The following ZNF138 variants were observed in gnomAD, a reference collection of about 807,000 sequenced individuals.
ZNF138 encodes zinc finger protein 138, also known as zinc finger protein 138 (clone pHZ-32).
In ZNF138, 33 loss-of-function variants were observed where a neutral mutation model predicts 33.0. The ratio of observed to expected loss-of-function variants is 1.00; its 90% CI spans 0.76 to 1.34. The LOEUF (loss-of-function observed/expected upper bound fraction) is 1.34. Among genes scored for constraint, ZNF138 ranks in the 40% most tolerant of loss-of-function variants. The pLI is 0.00. For synonymous variants in ZNF138, 139 were observed against 120.4 expected (o/e 1.15, Z -1.01); for missense variants, 360 against 370.8 (o/e 0.97, Z 0.24).
chr7:64,841,331 A>G, the ZNF138 span, among the ~76,000 whole-genome samples: 1 of 152,216 alleles, frequency 6.6e-6, no homozygotes, highest in Admixed American at 6.5e-5. Flanking sequence ...TATAATTGAC[A>G]TAAATATATT....
chr7:64,802,644 TACAA>T (rs1787237376), intron 1 of ZNF138, among the ~76,000 whole-genome samples: 1 of 151,854 alleles, frequency 6.6e-6, no homozygotes, highest in Non-Finnish European at 1.5e-5. Flanking sequence ...CATGACCCCT[TACAA>T]ACAATTAGAT....
chr7:64,814,795 G>T (rs918052881), intron 1 of ZNF138, 123 bp from the exon 2 acceptor site: 2 of 1,253,398 alleles, frequency 1.6e-6, no homozygotes, highest in African/African-American at 1.5e-5. Flanking sequence ...AATAATTTCA[G>T]TCACTCCTGT....
chr7:64,835,330 C>CAGA (rs1414542535), downstream of ZNF138: 3 of 152,164 alleles, frequency 2.0e-5, no homozygotes, highest in Non-Finnish European at 4.4e-5. Context: ...GGGCCTAAAT[C>CAGA]AGAGGTTGGC....
chr7:64,844,216 C>G, the ZNF138 span, among the ~76,000 whole-genome samples: 2 of 152,336 alleles, frequency 1.3e-5, no homozygotes, highest in African/African-American at 4.8e-5. Context: ...ACCACAGGCC[C>G]AAGCCTGTGT....
intron 3 of ZNF138, among the ~76,000 whole-genome samples, chr7:64,818,195 A>C (rs1277682304): frequency 6.6e-6 from 1 of 151,840 alleles, no homozygotes; most frequent in Non-Finnish European, 1.5e-5. Flanking sequence ...CATGCTGGCC[A>C]GGCTAGTCTT....
the ZNF138 span, chr7:64,853,210 A>C: frequency 3.1e-6 from 5 of 1,602,250 alleles, no homozygotes; most frequent in Admixed American, 8.3e-5. Context: ...TCTTCTTGGA[A>C]GTGGTTCTGT....
the ZNF138 span, among the ~76,000 whole-genome samples, chr7:64,841,851 T>C: frequency 6.6e-6 from 1 of 152,200 alleles, no homozygotes; most frequent in Admixed American, 6.5e-5. Context: ...TTCAGATCAG[T>C]TAATTAAGAT....
intron 1 of ZNF138, among the ~76,000 whole-genome samples, chr7:64,807,733 G>A (rs145747767): frequency 2.4e-3 from 373 of 152,304 alleles, no homozygotes; most frequent in African/African-American, 7.5e-3. Flanking sequence ...TTAAAGCCCC[G>A]CTTTGGGAGT....
chr7:64,797,980 G>T (rs1786827606), intron 1 of ZNF138, among the ~76,000 whole-genome samples: 1 of 151,970 alleles, frequency 6.6e-6, no homozygotes, highest in Non-Finnish European at 1.5e-5. Context: ...TTACTTTGTT[G>T]CCCAGGCTGG....
chr7:64,823,007 A>C (rs1319644205), intron 3 of ZNF138, among the ~76,000 whole-genome samples: 1 of 151,836 alleles, frequency 6.6e-6, no homozygotes, highest in Non-Finnish European at 1.5e-5. Context: ...CAGCCTCCTG[A>C]GTAGCTGAGA....
At chr7:64,853,480 T>A in the ZNF138 span, 1 of 510,044 alleles carries the variant, frequency 2.0e-6, no homozygotes, top group Non-Finnish European at 3.5e-6. Context: ...ATATATGAGA[T>A]CATGTAGTAT....
chr7:64,843,276 G>A, the ZNF138 span, among the ~76,000 whole-genome samples: 1 of 152,078 alleles, frequency 6.6e-6, no homozygotes, highest in African/African-American at 2.4e-5. Context: ...GTAAAAAACA[G>A]GCACATGTTT....
chr7:64,814,973 G>A lies in ZNF138; in HGVS notation c.59G>A (p.Cys20Tyr), dbSNP rs933813333. Residue 20 changes from cysteine (C) to tyrosine (Y), a missense_variant, in exon 2 of 4, where the codon TGC becomes TAC. Cys to Tyr is a radical substitution (Grantham distance 194). Transcript: ENST00000307355. ...GAGTTCTCTTTGGAGGAGTGGCAGT[G>A]CCTGGACACTGCACAGCGGAATGTA... ...AIEFSLEEWQ[C>Y]LDTAQRNVYR... is the part of the protein sequence containing the mutation. The A allele has an allele frequency of 1.2e-6, 2 of 1,613,432 alleles. No homozygotes were observed. Among genetic ancestry groups the A allele is most frequent in the Non-Finnish European group, 1.7e-6 (2 of 1,179,660 alleles).
At chr7:64,804,725 G>A (rs1562890007) in intron 1 of ZNF138, among the ~76,000 whole-genome samples, 1 of 152,192 alleles carries the variant, frequency 6.6e-6, no homozygotes, top group Non-Finnish European at 1.5e-5. Flanking sequence ...AGGCTTTAGT[G>A]AGCTGAGATC....
the ZNF138 span, among the ~76,000 whole-genome samples, chr7:64,855,432 G>T: frequency 2.5e-5 from 1 of 40,562 alleles, no homozygotes; most frequent in Non-Finnish European, 6.0e-5. Flanking sequence ...TCTTAGTTAA[G>T]AATTTTATTT....
chr7:64,822,711 A>G (rs1327838442), intron 3 of ZNF138, among the ~76,000 whole-genome samples: 2 of 152,174 alleles, frequency 1.3e-5, no homozygotes, highest in South Asian at 2.1e-4. Context: ...GAAATCAGAA[A>G]GTATAATGCA....
At chr7:64,820,880 A>G (rs545955753) in intron 3 of ZNF138, among the ~76,000 whole-genome samples, 1 of 151,452 alleles carries the variant, frequency 6.6e-6, no homozygotes, top group Middle Eastern at 3.4e-3. Flanking sequence ...TTTATTTATA[A>G]TTACTTGAGA....
intron 3 of ZNF138, among the ~76,000 whole-genome samples, chr7:64,826,527 C>T (rs994273764): frequency 5.3e-5 from 8 of 152,056 alleles, no homozygotes; most frequent in Non-Finnish European, 1.0e-4. Context: ...GTGATCTGCC[C>T]GCCTCGGCTT....
the ZNF138 span, among the ~76,000 whole-genome samples, chr7:64,844,715 C>G: frequency 6.6e-6 from 1 of 151,134 alleles, no homozygotes; most frequent in Non-Finnish European, 1.5e-5. Context: ...GAGACAGAGT[C>G]TTGCTGTGTC....
Sources: allele counts gnomAD v4.1 joint callset (sites outside exome capture counted in the v4.1 genomes callset), GRCh38; gene constraint gnomAD v4.1.1; transcripts MANE v1.5; gene names NCBI Gene and HGNC (gene_info 2026-07-23, HGNC 2026-07-21).